Variants in CBLB observed in about 807,000 individuals in gnomAD.
The protein encoded by CBLB is E3 ubiquitin-protein ligase CBL-B.
In CBLB, 31 loss-of-function variants were observed where a neutral mutation model predicts 104.9. That is an observed-to-expected ratio of 0.30 (90% CI 0.22 to 0.40). The LOEUF (loss-of-function observed/expected upper bound fraction) is 0.40, where lower values mean the gene tolerates loss of function less well. Among genes scored for constraint, CBLB ranks in the 10% least tolerant of loss-of-function variants. The pLI is 1.00. For missense variants in CBLB, 1,062 were observed against 1,214.6 expected (o/e 0.87, Z 1.87); for synonymous variants, 440 against 422.6 (o/e 1.04, Z -0.51).
At chr3:105,672,257 G>A (rs1183053171) in intron 17 of CBLB, 1 of 183,370 alleles carries the variant, frequency 5.5e-6, no homozygotes, top group East Asian at 8.9e-5. Flanking sequence ...ATATACCACT[G>A]TACTATATTC....
Position 105,726,895 on chromosome 3 carries a change from T to G in CBLB, c.1204-6645A>C, listed in dbSNP as rs553336275. On this transcript the variant is annotated intron_variant, in intron 9 of 18. Coordinates refer to ENST00000394030, the MANE Select transcript of CBLB (RefSeq NM_170662.5). ...AAGGACATGAACTCATCCTTTTTTA[T>G]GGCTGCATAGTATTCCATGGTGTAT... 3.3e-5 allele frequency among the ~76,000 whole-genome samples: 5 copies of G among 152,382 alleles called. No individual in the cohort carries two copies. The East Asian group carries it at 9.6e-4, about 29-fold the overall frequency.
chr3:105,681,579 C>T lies in CBLB; in HGVS notation c.2328G>A (p.Val776=), dbSNP rs765904011. The change falls in exon 16 of 19, where the codon GTG becomes GTA. Residue 776 remains valine (V), a synonymous_variant. Coordinates refer to ENST00000394030, the MANE Select transcript of CBLB (RefSeq NM_170662.5). ...TTGGAGGCCTGGCAGGTGGTAATGG[C>T]ACGGGATCAGAGGCTGAATCAAAAA... ...GDVFDSASDP[V]PLPPARPPTR... The T allele has an allele frequency of 6.2e-7, 1 of 1,614,058 alleles. No individual in the cohort carries two copies. Among genetic ancestry groups the T allele is most frequent in the Non-Finnish European group, 8.5e-7 (1 of 1,179,952 alleles).
intron 10 of CBLB, among the ~76,000 whole-genome samples, chr3:105,705,776 G>A (rs144766152): frequency 1.4e-3 from 206 of 152,210 alleles, no homozygotes; most frequent in African/African-American, 4.8e-3. Context: ...TCTTTGCAAG[G>A]AAGTCACTGC....
chr3:105,693,588 C>T lies in CBLB; in HGVS notation c.1960G>A (p.Val654Ile). The T allele has an allele frequency of 6.2e-7, 1 of 1,604,738 alleles. No individual in the cohort carries two copies. The highest frequency in any genetic ancestry group is 8.5e-7 in the Non-Finnish European group (1 of 1,172,044). ...RHDLPLEGAK[V>I]FSNGHLGSEE... ...CTTCCAAGGTGACCATTGGAAAAGA[C>T]CTGAAAGTAAATCAAATTGTTAGTT... The change falls in exon 13 of 19, where the codon GTC becomes ATC. Residue 654 changes from valine to isoleucine, a missense_variant and splice_region_variant. Val to Ile is a conservative substitution (Grantham distance 29). Coordinates refer to ENST00000394030, the MANE Select transcript of CBLB (RefSeq NM_170662.5).
intron 4 of CBLB, 128 bp from the exon 5 acceptor site, chr3:105,751,746 A>G (rs1576874242): frequency 2.6e-6 from 2 of 757,574 alleles, no homozygotes; most frequent in East Asian, 5.4e-5. Flanking sequence ...CAAATATTTG[A>G]GAATATTGTT....
intron 12 of CBLB, among the ~76,000 whole-genome samples, chr3:105,697,704 A>AT (rs2068559615): frequency 6.6e-6 from 1 of 152,032 alleles, no homozygotes; most frequent in Non-Finnish European, 1.5e-5. Context: ...CATTTGATAT[A>AT]TTTATCTTGC....
intron 4 of CBLB, among the ~76,000 whole-genome samples, chr3:105,768,675 A>G (rs964605286): frequency 2.0e-5 from 3 of 152,194 alleles, no homozygotes; most frequent in Non-Finnish European, 2.9e-5. Context: ...GTCATTGAAG[A>G]CTCTTGCAAT....
At chr3:105,706,264 C>T (rs1035355038) in intron 10 of CBLB, among the ~76,000 whole-genome samples, 14 of 152,136 alleles carry the variant, frequency 9.2e-5, no homozygotes, top group African/African-American at 3.4e-4. Context: ...TGCCGAATAA[C>T]AAAATCATTC....
chr3:105,699,936 A>C (rs2068857844), intron 12 of CBLB, among the ~76,000 whole-genome samples: 1 of 152,160 alleles, frequency 6.6e-6, no homozygotes, highest in Non-Finnish European at 1.5e-5. Context: ...AAATACCCAC[A>C]ATATATGAGA....
intron 18 of CBLB, 141 bp from the exon 19 acceptor site, chr3:105,659,370 A>G: frequency 1.1e-6 from 1 of 905,490 alleles, no homozygotes; most frequent in Non-Finnish European, 1.7e-6. Context: ...CAATTTTTCC[A>G]TACTATTGTG....
intron 1 of CBLB, 54 bp downstream of exon 1, chr3:105,868,681 GC>G: frequency 2.0e-6 from 2 of 991,240 alleles, no homozygotes; most frequent in South Asian, 4.7e-5. Flanking sequence ...GCTACCCCGG[GC>G]CCCCGGGCCG....
intron 5 of CBLB, among the ~76,000 whole-genome samples, chr3:105,748,772 C>A (rs962288625): frequency 6.6e-6 from 1 of 152,160 alleles, no homozygotes; most frequent in African/African-American, 2.4e-5. Context: ...AGGAAGCAAA[C>A]ATTTTTACTT....
intron 16 of CBLB, among the ~76,000 whole-genome samples, chr3:105,680,556 A>C (rs2066191661): frequency 6.6e-6 from 1 of 152,204 alleles, no homozygotes; most frequent in South Asian, 2.1e-4. Flanking sequence ...TAGGTAACAG[A>C]GTTAGGAGCC....
chr3:105,680,785 AAG>A (rs1211120902), intron 16 of CBLB, among the ~76,000 whole-genome samples: 1 of 152,216 alleles, frequency 6.6e-6, no homozygotes, highest in East Asian at 1.9e-4. Flanking sequence ...TGTTATTGTG[AAG>A]CGTTATGTAA....
At chr3:105,779,888 T>C (rs894353982) in intron 3 of CBLB, among the ~76,000 whole-genome samples, 3 of 152,094 alleles carry the variant, frequency 2.0e-5, no homozygotes, top group African/African-American at 7.2e-5. Flanking sequence ...AGTTTTGCTC[T>C]TGTTGCCCAG....
At chr3:105,769,738 C>T (rs563078988) in intron 4 of CBLB, among the ~76,000 whole-genome samples, 3 of 152,140 alleles carry the variant, frequency 2.0e-5, no homozygotes, top group Non-Finnish European at 2.9e-5. Flanking sequence ...AAGAAGCCAG[C>T]GAAAAAGTTT....
At chr3:105,733,664 T>C (rs895298114) in intron 9 of CBLB, among the ~76,000 whole-genome samples, 1 of 152,172 alleles carries the variant, frequency 6.6e-6, no homozygotes, top group Non-Finnish European at 1.5e-5. Context: ...TCTACTATGG[T>C]TTACTTGGCT....
intron 18 of CBLB, 98 bp from the exon 19 acceptor site, chr3:105,659,327 A>ATT (rs1267425427): frequency 3.2e-6 from 4 of 1,250,672 alleles, no homozygotes; most frequent in Non-Finnish European, 4.6e-6. Context: ...TGGAAATATT[A>ATT]TTTCTTGTTT....
At chr3:105,818,858 T>C (rs2153053251) in intron 3 of CBLB, among the ~76,000 whole-genome samples, 1 of 151,920 alleles carries the variant, frequency 6.6e-6, no homozygotes, top group South Asian at 2.1e-4. Flanking sequence ...GAATATAGGA[T>C]ATAGAAAAAT....
Sources: allele counts gnomAD v4.1 joint callset (sites outside exome capture counted in the v4.1 genomes callset), GRCh38; gene constraint gnomAD v4.1.1; transcripts MANE v1.5; gene names NCBI Gene and HGNC (gene_info 2026-07-23, HGNC 2026-07-21).